IQANK1: variants seen among roughly 807,000 people sequenced by gnomAD.
IQANK1 encodes the protein IQ motif and ankyrin repeat containing 1.
A neutral mutation model predicts 22.6 loss-of-function variants in IQANK1; 30 were observed. That is an observed-to-expected ratio of 1.33 (90% CI 0.99 to 1.80). IQANK1 has a LOEUF of 1.80. IQANK1 is among the 40% of genes most tolerant of loss of function. IQANK1 has a pLI of 0.00. For missense variants in IQANK1, 275 were observed against 235.2 expected, an observed-to-expected ratio of 1.17 and a Z score of -1.11; for synonymous variants, 122 against 99.6, an observed-to-expected ratio of 1.23 and a Z score of -1.34.
chr8:143,788,568 G>A (rs1554631713), intron 7 of IQANK1, among the ~76,000 whole-genome samples: 1 of 152,338 alleles, frequency 6.6e-6, no homozygotes, highest in African/African-American at 2.4e-5. Flanking sequence ...TGGCACCCAA[G>A]GCCTCAGGCG....
intron 3 of IQANK1, among the ~76,000 whole-genome samples, chr8:143,746,914 C>G (rs1554627260): frequency 6.6e-6 from 1 of 151,932 alleles, no homozygotes; most frequent in African/African-American, 2.4e-5. Flanking sequence ...GAGTCTTGCT[C>G]TGTTGCCCAG....
At chr8:143,750,914 G>A (rs1819175133) in intron 3 of IQANK1, among the ~76,000 whole-genome samples, 1 of 151,498 alleles carries the variant, frequency 6.6e-6, no homozygotes, top group Admixed American at 6.6e-5. Flanking sequence ...AACTTTTTTT[G>A]TCCCTCATTT....
At chr8:143,765,242 C>T (rs549126276) in intron 3 of IQANK1, among the ~76,000 whole-genome samples, 18 of 151,888 alleles carry the variant, frequency 1.2e-4, no homozygotes, top group Admixed American at 2.6e-4. Context: ...CTGTAATCCC[C>T]GCTACTTGGG....
At chr8:143,738,168 C>G (rs1453395965) in intron 2 of IQANK1, among the ~76,000 whole-genome samples, 1 of 152,140 alleles carries the variant, frequency 6.6e-6, no homozygotes, top group Non-Finnish European at 1.5e-5. Context: ...TGCTGCCCAG[C>G]TGCCGGCTGG....
Position 143,790,515 on chromosome 8 carries a change from C to G in IQANK1, c.1590C>G (p.Arg530=), listed in dbSNP as rs1164490712. ...QFQEQRLEHF[R]LFFVTKVQWP... is the part of the protein sequence containing the mutation. ...AGGAGCAGCGGCTGGAGCACTTCCG[C>G]CTCTTTTTCGTCACCAAGGTCCAGT... Residue 530 remains arginine, a synonymous_variant, in exon 14 of 14, where the codon CGC becomes CGG. Coordinates refer to ENST00000527139, the MANE Select transcript of IQANK1 (RefSeq NM_001381874.1). 3 of 404,192 alleles carry G rather than the reference C, an allele frequency of 7.4e-6. No homozygotes were observed. Among genetic ancestry groups the G allele is most frequent in the Admixed American group, 8.8e-5 (2 of 22,728 alleles). 25.0% of individuals were successfully genotyped at this position (404,192 alleles called of 1,614,324 possible). A position where few individuals can be genotyped will look rare whatever the true frequency, so the allele number is the denominator to read the frequency against.
At chr8:143,742,767 A>G (rs571556303) in intron 3 of IQANK1, 3 of 454,064 alleles carry the variant, frequency 6.6e-6, no homozygotes, top group Admixed American at 4.7e-5. Flanking sequence ...CCAACCAGAC[A>G]GTGTGGCCCA....
chr8:143,738,172 C>T lies in IQANK1; in HGVS notation c.86-1687C>T, dbSNP rs114585306. On this transcript the variant is annotated intron_variant, in intron 2 of 13. Coordinates refer to ENST00000527139, the MANE Select transcript of IQANK1 (RefSeq NM_001381874.1). ...CCTCAGGGCCCTGCTGCCCAGCTGC[C>T]GGCTGGGCCCTGCCTGCCCTCCTGG... 6.4e-3 allele frequency among the ~76,000 whole-genome samples: 967 copies of T among 152,256 alleles called. 13 individuals carry two copies. The highest frequency in any genetic ancestry group is 0.021 in the African/African-American group (888 of 41,572).
At chr8:143,742,304 C>G in intron 3 of IQANK1, 1 of 445,592 alleles carries the variant, frequency 2.2e-6, no homozygotes, top group South Asian at 1.6e-5. Flanking sequence ...AGGTGCCCCC[C>G]GGGGGCTTCC....
At chr8:143,753,388 T>G (rs1819232954) in intron 3 of IQANK1, among the ~76,000 whole-genome samples, 1 of 152,114 alleles carries the variant, frequency 6.6e-6, no homozygotes, top group African/African-American at 2.4e-5. Flanking sequence ...GTGCTTGAGT[T>G]CTTTAAGATA....
chr8:143,737,848 C>G (rs1818783878), intron 2 of IQANK1, among the ~76,000 whole-genome samples: 1 of 152,248 alleles, frequency 6.6e-6, no homozygotes, highest in Non-Finnish European at 1.5e-5. Flanking sequence ...GCCACCGGTC[C>G]TCCAGCAGCA....
chr8:143,736,440 G>A (rs1030286879), intron 2 of IQANK1, among the ~76,000 whole-genome samples: 4 of 152,024 alleles, frequency 2.6e-5, no homozygotes, highest in South Asian at 2.1e-4. Flanking sequence ...CCACATGCCC[G>A]GCCAAGCCTG....
intron 3 of IQANK1, among the ~76,000 whole-genome samples, chr8:143,746,787 T>C (rs1554627244): frequency 6.6e-6 from 1 of 152,216 alleles, no homozygotes. Context: ...TTTGTGTTTT[T>C]AGGAATTTGT....
chr8:143,777,520 T>TAAAAAAAAAAAAAAAA (rs58155811), intron 7 of IQANK1, among the ~76,000 whole-genome samples: 1 of 98,418 alleles, frequency 1.0e-5, no homozygotes, highest in Non-Finnish European at 2.1e-5. Context: ...GACTCCGTCT[T>TAAAAAAAAAAAAAAAA]AAAAAAAAAA....
At chr8:143,743,345 C>T (rs1181554497) in intron 3 of IQANK1, among the ~76,000 whole-genome samples, 2 of 152,212 alleles carry the variant, frequency 1.3e-5, no homozygotes, top group African/African-American at 4.8e-5. Context: ...TTAAGTGATC[C>T]TCCTGCCTCA....
At chr8:143,746,665 G>C (rs1250222805) in intron 3 of IQANK1, among the ~76,000 whole-genome samples, 2 of 152,184 alleles carry the variant, frequency 1.3e-5, no homozygotes, top group Non-Finnish European at 2.9e-5. Context: ...TGACAGGTGT[G>C]AGCCACCATG....
chr8:143,764,446 C>T (rs569539821), intron 3 of IQANK1, among the ~76,000 whole-genome samples: 66 of 98,182 alleles, frequency 6.7e-4, no homozygotes, highest in African/African-American at 2.3e-3. Flanking sequence ...GAGACTCCGT[C>T]GCTACAAAAA....
intron 3 of IQANK1, among the ~76,000 whole-genome samples, chr8:143,751,480 C>A (rs1410679861): frequency 1.3e-5 from 2 of 150,984 alleles, no homozygotes; most frequent in Non-Finnish European, 1.5e-5. Flanking sequence ...GGTGTGGTGG[C>A]AGGTGCCTGT....
At chr8:143,747,876 ATG>A (rs1217384500) in intron 3 of IQANK1, among the ~76,000 whole-genome samples, 1 of 150,152 alleles carries the variant, frequency 6.7e-6, no homozygotes, top group Non-Finnish European at 1.5e-5. Context: ...AGTGTTCTGT[ATG>A]TCTGTTAGAT....
intron 3 of IQANK1, among the ~76,000 whole-genome samples, chr8:143,740,396 C>T (rs1436290698): frequency 1.3e-5 from 2 of 152,234 alleles, no homozygotes; most frequent in Non-Finnish European, 2.9e-5. Flanking sequence ...CTGCGCTGTT[C>T]CCGACCGGTG....
Sources: gnomAD v4.1 joint callset for allele counts (sites outside exome capture counted in the v4.1 genomes callset) on GRCh38, gnomAD v4.1.1 for gene constraint, MANE v1.5 for transcripts, NCBI Gene and HGNC (gene_info 2026-07-23, HGNC 2026-07-21) for gene names.